COL7A1: variants seen among roughly 807,000 people sequenced by gnomAD.
COL7A1 encodes collagen type VII alpha 1 chain.
A neutral mutation model predicts 456.2 loss-of-function variants in COL7A1; 296 were observed. That is an observed-to-expected ratio of 0.65 (90% CI 0.59 to 0.71). The LOEUF (loss-of-function observed/expected upper bound fraction) is 0.71, where lower values mean the gene tolerates loss of function less well. Among genes scored for constraint, COL7A1 ranks in the 30% least tolerant of loss-of-function variants. The pLI is 0.00. For synonymous variants in COL7A1, 1,464 were observed against 1,525.9 expected (o/e 0.96, Z 0.95); for missense variants, 3,441 against 4,017.2 (o/e 0.86, Z 3.88).
At position 48,567,288 on chromosome 3, in the gene COL7A1, CCTT is replaced by C. The variant is rs758994478; in HGVS notation, c.8047-101_8047-99del. On this transcript the variant is annotated intron_variant, in intron 109 of 118. Transcript: ENST00000681320. This position sits in a 1 kb window ranked among gnomAD's most constrained non-coding sequence, Gnocchi z 4.3. ...TGAGCTCCCTGGCCTAATGCCCAAA[CCTT>C]CTGTAACCCAAGCACCTGTGAGCCA... is the stretch of plus-strand genomic sequence containing the variant. 18 of 1,459,850 alleles carry C rather than the reference CCTT, an allele frequency of 1.2e-5. No individual in the cohort carries two copies. The highest frequency in any genetic ancestry group is 1.6e-5 in the Non-Finnish European group (17 of 1,050,896). The allele number at this position is 1,459,850 out of a possible 1,614,324, so 90.4% of individuals were successfully genotyped here. A position where few individuals can be genotyped will look rare whatever the true frequency, so the allele number is the denominator to read the frequency against.
Position 48,583,017 on chromosome 3 carries a change from G to A in COL7A1, c.4514C>T (p.Ser1505Phe). ...CATTGCAGCCAGTGGGTTTACCCGG[G>A]ATCCCGCTGGGCCTGGGGGTCCACG... ...GERGPPGPAG[S>F]RGLPGVAGRP... Residue 1505 changes from serine (S) to phenylalanine (F), a missense_variant, in exon 44 of 119, where the codon TCC becomes TTC. Physicochemically the swap from Ser to Phe is radical, Grantham distance 155 (BLOSUM62 -2). Around this residue, in one of 3 missense-constraint regions of COL7A1, gnomAD observed 2,084 missense variants for 2,501.3 expected, o/e 0.83. Transcript: ENST00000681320. The surrounding 1 kb of genome is among the most constrained non-coding windows in gnomAD (Gnocchi z 5.1). 1 of 1,614,034 alleles carries A rather than the reference G, an allele frequency of 6.2e-7. No homozygotes were observed. Among genetic ancestry groups the A allele is most frequent in the Non-Finnish European group, 8.5e-7 (1 of 1,179,980 alleles).
At position 48,595,241 on chromosome 3, in the gene COL7A1, C is replaced by T. The variant is rs1313307265; in HGVS notation, c.-2+27G>A. On this transcript the variant is annotated intron_variant, in intron 1 of 118. Coordinates refer to ENST00000681320, the MANE Select transcript of COL7A1 (RefSeq NM_000094.4). ...GGCCTTGGCAGGTCCGAGCCCAGCG[C>T]CCCTCCAGCCCGAGTCCTGGTCTTG... is the stretch of plus-strand genomic sequence containing the variant. The T allele has an allele frequency of 3.4e-6, 4 of 1,174,862 alleles. No individual in the cohort carries two copies. The African/African-American group carries it at 4.6e-5, about 13-fold the overall frequency. 72.8% of individuals were successfully genotyped at this position (1,174,862 alleles called of 1,614,324 possible). A position where few individuals can be genotyped will look rare whatever the true frequency, so the allele number is the denominator to read the frequency against.
In COL7A1 at chr3:48,566,081, C is replaced by T. The variant is rs1294294948; in HGVS notation, c.8407+186G>A. Among the ~76,000 whole-genome samples the T allele has an allele frequency of 1.3e-5, 2 of 152,212 alleles. No individual in the cohort carries two copies. The highest frequency in any genetic ancestry group is 2.9e-5 in the Non-Finnish European group (2 of 68,040). On this transcript the variant is annotated intron_variant, in intron 114 of 118. Coordinates refer to ENST00000681320, the MANE Select transcript of COL7A1 (RefSeq NM_000094.4). This position sits in a 1 kb window ranked among gnomAD's most constrained non-coding sequence, Gnocchi z 5.9. ...GAGAGCACTGCATGGCAATCCTCATCTGCCTGTGTGTCTCCCTCCACTGGG... is the reference window on the plus strand; with the variant it reads ...GAGAGCACTGCATGGCAATCCTCATTTGCCTGTGTGTCTCCCTCCACTGGG...
In COL7A1 at chr3:48,579,024, G is replaced by A. The variant is rs769497269; in HGVS notation, c.5389-70C>T. On this transcript the variant is annotated intron_variant, in intron 62 of 118. Coordinates refer to ENST00000681320, the MANE Select transcript of COL7A1 (RefSeq NM_000094.4). The surrounding 1 kb of genome is among the most constrained non-coding windows in gnomAD (Gnocchi z 4.4). Reference sequence around the variant, plus strand: ...GGGCTCTAGTCCCTGTGAGCCTAAGGCCTGCATGGCAAGAACATGCCCCAC... The same window carrying A: ...GGGCTCTAGTCCCTGTGAGCCTAAGACCTGCATGGCAAGAACATGCCCCAC... The A allele has an allele frequency of 6.3e-7, 1 of 1,599,464 alleles. No individual in the cohort carries two copies. Among genetic ancestry groups the A allele is most frequent in the South Asian group, 1.1e-5 (1 of 90,730 alleles).
intron 1 of COL7A1, 48 bp from the exon 2 acceptor site, chr3:48,595,208 TC>T: frequency 6.7e-7 from 1 of 1,496,856 alleles, no homozygotes. Flanking sequence ...TGTCCCTTGC[TC>T]CCCCGTGGCC....
Position 48,583,369 on chromosome 3 carries a change from C to G in COL7A1, c.4437+24G>C, listed in dbSNP as rs1278956172. ...GAGCCCAGAGTAGCACCCCTCACAC[C>G]TGAATCCCCCAACTGGTACTCACTT... On this transcript the variant is annotated intron_variant, in intron 42 of 118. Coordinates refer to ENST00000681320, the MANE Select transcript of COL7A1 (RefSeq NM_000094.4). This position sits in a 1 kb window ranked among gnomAD's most constrained non-coding sequence, Gnocchi z 5.1. 1 of 1,614,040 alleles carries G rather than the reference C, an allele frequency of 6.2e-7. No individual in the cohort carries two copies. The highest frequency in any genetic ancestry group is 1.7e-5 in the Admixed American group (1 of 60,020).
Position 48,580,417 on chromosome 3 carries a change from A to C in COL7A1, c.5053-73T>G. 1 of 1,539,016 alleles carries C rather than the reference A, an allele frequency of 6.5e-7. No homozygotes were observed. The highest frequency in any genetic ancestry group is 8.9e-7 in the Non-Finnish European group (1 of 1,123,176). The stretch of plus-strand genomic sequence containing the variant: ...GGAGAGCTTTGGAAGCACCATGAGG[A>C]CTCATGGGAATGTTGGTAGCCTTCA... On this transcript the variant is annotated intron_variant, in intron 55 of 118. Coordinates refer to ENST00000681320, the MANE Select transcript of COL7A1 (RefSeq NM_000094.4). The surrounding 1 kb of genome is among the most constrained non-coding windows in gnomAD (Gnocchi z 4.5).
chr3:48,573,867 G>T lies in COL7A1; in HGVS notation c.6525C>A (p.Pro2175=). 6.2e-7 allele frequency: 1 copy of T among 1,613,926 alleles called. No individual in the cohort carries two copies. ...GKPGLQGPRG[P]PGPVGGHGDP... is the part of the protein sequence containing the mutation. ...CTTGGGTACTCACCACTGGGCCAGGGGGGCCTCTTGGACCCTGCAGACCCT... is the reference window on the plus strand; with the variant it reads ...CTTGGGTACTCACCACTGGGCCAGGTGGGCCTCTTGGACCCTGCAGACCCT... Residue 2175 remains proline (P), a synonymous_variant, in exon 81 of 119, where the codon CCC becomes CCA. Coordinates refer to ENST00000681320, the MANE Select transcript of COL7A1 (RefSeq NM_000094.4). This position sits in a 1 kb window ranked among gnomAD's most constrained non-coding sequence, Gnocchi z 5.5.
Position 48,578,602 on chromosome 3 carries a change from C to T in COL7A1, c.5425-87G>A, listed in dbSNP as rs1241604414. ...TGGACTAAGAGGACCCCAAAAAGAT[C>T]TCCCTCCAGGGTAGAGACCCCCAGG... On this transcript the variant is annotated intron_variant, in intron 63 of 118. Coordinates refer to ENST00000681320, the MANE Select transcript of COL7A1 (RefSeq NM_000094.4). This position sits in a 1 kb window ranked among gnomAD's most constrained non-coding sequence, Gnocchi z 4.7. 2.5e-5 allele frequency: 36 copies of T among 1,459,344 alleles called. No individual in the cohort carries two copies. Among genetic ancestry groups the T allele is most frequent in the Non-Finnish European group, 3.3e-5 (35 of 1,049,186 alleles). 90.4% of individuals were successfully genotyped at this position (1,459,344 alleles called of 1,614,324 possible). A position where few individuals can be genotyped will look rare whatever the true frequency, so the allele number is the denominator to read the frequency against.
rs1266041812 is a variant in COL7A1, at chr3:48,574,298, T to C, written c.6465A>G (p.Pro2155=). The C allele has an allele frequency of 5.0e-6, 8 of 1,614,024 alleles. No individual in the cohort carries two copies. Among genetic ancestry groups the C allele is most frequent in the Non-Finnish European group, 5.9e-6 (7 of 1,180,030 alleles). ...PRGQDGNPGL[P]GERGMAGPEG... ...CAGGCCCAGCCATACCACGCTCTCC[T>C]GGTAGACCCTGCAGAGAATAGGTTT... The change falls in exon 80 of 119, where the codon CCA becomes CCG. Residue 2155 remains proline (P), a synonymous_variant. Coordinates refer to ENST00000681320, the MANE Select transcript of COL7A1 (RefSeq NM_000094.4). This position sits in a 1 kb window ranked among gnomAD's most constrained non-coding sequence, Gnocchi z 5.0.
rs1273325452 is a variant in COL7A1, at chr3:48,587,725, G to T, written c.2857+68C>A. 14 of 1,611,336 alleles carry T rather than the reference G, an allele frequency of 8.7e-6. No homozygotes were observed. Among genetic ancestry groups the T allele is most frequent in the African/African-American group, 1.3e-5 (1 of 74,852 alleles). On this transcript the variant is annotated intron_variant, in intron 22 of 118. Transcript: ENST00000681320. The surrounding 1 kb of genome is among the most constrained non-coding windows in gnomAD (Gnocchi z 6.1). ...AGGGGTACAGGAGGAGTCACTCAGA[G>T]TCGGGGTGCAGGAAGTCAGGGTGGG...
At position 48,584,430 on chromosome 3, in the gene COL7A1, C is replaced by T. The variant is rs1300516447; in HGVS notation, c.4119+55G>A. The T allele has an allele frequency of 6.8e-6, 11 of 1,613,376 alleles. No homozygotes were observed. The African/African-American group carries it at 1.2e-4, about 18-fold the overall frequency. ...ACCCCACAGACCTCACTCTCGCCCC[C>T]CTCGTGTTGGTCCCCCCACTACACA... On this transcript the variant is annotated intron_variant, in intron 36 of 118. Transcript: ENST00000681320.
rs2045272432 is a variant in COL7A1 at position 48,586,514 on chromosome 3, A to T, written c.3404-36T>A. The stretch of plus-strand genomic sequence containing the variant: ...GGACATGTCAGAACCCTGGGGCACC[A>T]AGCTCCCAGTGGATAGCCCCAGGAG... On this transcript the variant is annotated intron_variant, in intron 26 of 118. Coordinates refer to ENST00000681320, the MANE Select transcript of COL7A1 (RefSeq NM_000094.4). The surrounding 1 kb of genome is among the most constrained non-coding windows in gnomAD (Gnocchi z 5.1). 1 of 1,613,646 alleles carries T rather than the reference A, an allele frequency of 6.2e-7. No individual in the cohort carries two copies. Among genetic ancestry groups the T allele is most frequent in the Admixed American group, 1.7e-5 (1 of 60,008 alleles).
In COL7A1 at chr3:48,586,812, G is replaced by A; in HGVS notation, c.3277-123C>T. On this transcript the variant is annotated intron_variant, in intron 25 of 118. Transcript: ENST00000681320. This position sits in a 1 kb window ranked among gnomAD's most constrained non-coding sequence, Gnocchi z 5.1. ...CCCTATCTATTAGGGAGTCAGCAGTGATGGCAGGATAGGGAGCCAGGCAGT... is the reference window on the plus strand; with the variant it reads ...CCCTATCTATTAGGGAGTCAGCAGTAATGGCAGGATAGGGAGCCAGGCAGT... 1 of 1,503,558 alleles carries A rather than the reference G, an allele frequency of 6.7e-7. No homozygotes were observed. The highest frequency in any genetic ancestry group is 9.0e-7 in the Non-Finnish European group (1 of 1,108,482). 93.1% of individuals were successfully genotyped at this position (1,503,558 alleles called of 1,614,324 possible).
rs1560201766 is a variant in COL7A1 at position 48,570,368 on chromosome 3, G to A, written c.7381-34C>T. On this transcript the variant is annotated intron_variant, in intron 97 of 118. Transcript: ENST00000681320. This position sits in a 1 kb window ranked among gnomAD's most constrained non-coding sequence, Gnocchi z 5.5. ...CAACAGGACACCGGGGATCAGTGAG[G>A]GGAATCAGTGGGGGACGCAGGGTCA... 1 of 1,614,034 alleles carries A rather than the reference G, an allele frequency of 6.2e-7. No individual in the cohort carries two copies. Among genetic ancestry groups the A allele is most frequent in the Non-Finnish European group, 8.5e-7 (1 of 1,179,930 alleles).
rs1480404745 is a variant in COL7A1 at position 48,593,618 on chromosome 3, G to GC, written c.344dup (p.Asn116GlnfsTer13). ...GAATTGCAGCCCCTGTGCGAGTGTT[G>GC]CCCCCCTTGTAGCTAAGCTCACGGA... On this transcript the variant is annotated frameshift_variant, in exon 4 of 119. Coordinates refer to ENST00000681320, the MANE Select transcript of COL7A1 (RefSeq NM_000094.4). LOFTEE classifies it high-confidence loss of function. This position sits in a 1 kb window ranked among gnomAD's most constrained non-coding sequence, Gnocchi z 4.4. 5 of 1,614,176 alleles carry GC rather than the reference G, an allele frequency of 3.1e-6. No individual in the cohort carries two copies. Among genetic ancestry groups the GC allele is most frequent in the Non-Finnish European group, 1.7e-6 (2 of 1,180,024 alleles).
Position 48,575,616 on chromosome 3 carries a change from T to C in COL7A1, c.5979+10A>G. The C allele has an allele frequency of 6.2e-7, 1 of 1,613,106 alleles. No individual in the cohort carries two copies. Among genetic ancestry groups the C allele is most frequent in the Non-Finnish European group, 8.5e-7 (1 of 1,180,004 alleles). ...CACGGGGCACAACCCACTGAGCCAC[T>C]TCTGCTCACCTCCTTGCCTGGGGGG... On this transcript the variant is annotated intron_variant, in intron 73 of 118. Transcript: ENST00000681320. This position sits in a 1 kb window ranked among gnomAD's most constrained non-coding sequence, Gnocchi z 6.3.
In COL7A1 at chr3:48,567,744, C is replaced by G. The variant is rs756411440; in HGVS notation, c.7949G>C (p.Gly2650Ala). ...TTTGTGTCCTGCCAGCCCGGGGCGG[C>G]CTGGGGGACCAGCTTCTCCCTGCAG... ...KGDKGEAGPP[G>A]RPGLAGHKGE... Residue 2650 changes from glycine to alanine, a missense_variant, in exon 108 of 119, where the codon GGC (glycine) becomes GCC (alanine). This residue lies in a region of COL7A1 where 2,084 missense variants were observed against 2,501.3 expected (regional missense o/e 0.83). Coordinates refer to ENST00000681320, the MANE Select transcript of COL7A1 (RefSeq NM_000094.4). This position sits in a 1 kb window ranked among gnomAD's most constrained non-coding sequence, Gnocchi z 4.3. 2.5e-6 allele frequency: 4 copies of G among 1,614,164 alleles called. No homozygotes were observed. Among genetic ancestry groups the G allele is most frequent in the Non-Finnish European group, 3.4e-6 (4 of 1,180,036 alleles).
chr3:48,572,720 C>T lies in COL7A1; in HGVS notation c.6851G>A (p.Gly2284Asp). ...AGGTTCTCCTTTAGGTCCGACAGGGCCAGGCAGACCTGGTGACCCCTATGG... is the reference window on the plus strand; with the variant it reads ...AGGTTCTCCTTTAGGTCCGACAGGGTCAGGCAGACCTGGTGACCCCTATGG... ...PGVPGSPGLP[G>D]PVGPKGEPGP... Residue 2284 changes from glycine to aspartate, a missense_variant, in exon 88 of 119, where the codon GGC becomes GAC. Physicochemically the swap from Gly to Asp is moderately conservative, Grantham distance 94 (BLOSUM62 -1). Coordinates refer to ENST00000681320, the MANE Select transcript of COL7A1 (RefSeq NM_000094.4). This position sits in a 1 kb window ranked among gnomAD's most constrained non-coding sequence, Gnocchi z 4.6. The T allele has an allele frequency of 6.2e-7, 1 of 1,609,380 alleles. No homozygotes were observed. Among genetic ancestry groups the T allele is most frequent in the Non-Finnish European group, 8.5e-7 (1 of 1,177,846 alleles).
Sources: allele counts gnomAD v4.1 joint callset (sites outside exome capture counted in the v4.1 genomes callset), GRCh38; gene constraint gnomAD v4.1.1; regional missense constraint gnomAD v4.1.1; non-coding constraint Gnocchi (gnomAD v3.1); transcripts MANE v1.5; gene names NCBI Gene and HGNC (gene_info 2026-07-23, HGNC 2026-07-21).